Variants in CSMD3 observed in about 807,000 individuals in gnomAD.
CSMD3 encodes CUB and sushi domain-containing protein 3.
In CSMD3, 177 loss-of-function variants were observed where a neutral mutation model predicts 435.2. That is an observed-to-expected ratio of 0.41 (90% confidence interval 0.36 to 0.46). The LOEUF (loss-of-function observed/expected upper bound fraction) is 0.46. Ranked by LOEUF, CSMD3 falls within the 20% of genes least tolerant of loss-of-function variation. CSMD3 has a pLI of 0.34. For missense variants in CSMD3, 4,265 were observed against 4,504.6 expected (o/e 0.95, Z 1.52); for synonymous variants, 1,656 against 1,520.5 (o/e 1.09, Z -2.07).
chr8:112,828,764 C>A (rs2079774170), intron 12 of CSMD3, among the ~76,000 whole-genome samples: 1 of 152,122 alleles, frequency 6.6e-6, no homozygotes, highest in South Asian at 2.1e-4. Context: ...CAGAGATAGA[C>A]CACCAAATCA....
chr8:112,472,333 AT>A lies in CSMD3; in HGVS notation c.5395+257del, dbSNP rs532181787. 3.1e-3 allele frequency among the ~76,000 whole-genome samples: 466 copies of A among 152,244 alleles called. 7 individuals carry two copies. The highest frequency in any genetic ancestry group is 0.017 in the Middle Eastern group (5 of 294). ...TATGAAGGCACTTGCAAGGTTACTG[AT>A]ATACTCATTTTTAAAAATTAAAAAC... On this transcript the variant is annotated intron_variant, in intron 32 of 70. Transcript: ENST00000297405.
At chr8:113,137,642 A>G (rs1310947443) in intron 4 of CSMD3, among the ~76,000 whole-genome samples, 1 of 151,670 alleles carries the variant, frequency 6.6e-6, no homozygotes, top group Admixed American at 6.6e-5. Flanking sequence ...CAGGAGAAAC[A>G]TGTGTCTTCA....
At chr8:113,429,238 TTA>T (rs4027734) in intron 1 of CSMD3, among the ~76,000 whole-genome samples, 37,845 of 150,662 alleles carry the variant, frequency 0.25, 5,458 homozygotes, top group East Asian at 0.46. Flanking sequence ...AATAATTGTC[TTA>T]TATATATATA....
rs528469487 is a variant in CSMD3, at chr8:112,927,910, A to G, written c.1509-6159T>C. Among the ~76,000 whole-genome samples the G allele has an allele frequency of 2.6e-5, 4 of 152,210 alleles. No homozygotes were observed. The South Asian group carries it at 6.2e-4, about 24-fold the overall frequency. On this transcript the variant is annotated intron_variant, in intron 9 of 70. Coordinates refer to ENST00000297405, the MANE Select transcript of CSMD3 (RefSeq NM_198123.2). The stretch of plus-strand genomic sequence containing the variant: ...GTTACTGGGTATCTTGCTTTGTGGA[A>G]TGCTTAAGGTCACTCACTACCTCAT...
chr8:112,280,487 A>C (rs1056581057), intron 59 of CSMD3, among the ~76,000 whole-genome samples: 3 of 81,712 alleles, frequency 3.7e-5, no homozygotes, highest in Non-Finnish European at 8.1e-5. Flanking sequence ...TCCCAGGGTG[A>C]TCTCAAACTC....
intron 10 of CSMD3, among the ~76,000 whole-genome samples, chr8:112,895,791 A>G (rs938441954): frequency 1.3e-5 from 2 of 151,492 alleles, no homozygotes; most frequent in African/African-American, 4.8e-5. Flanking sequence ...ACTAATACTT[A>G]GAAGAGCGGT....
At chr8:112,323,389 G>T (rs542676463) in intron 45 of CSMD3, among the ~76,000 whole-genome samples, 1 of 152,146 alleles carries the variant, frequency 6.6e-6, no homozygotes, top group Admixed American at 6.6e-5. Flanking sequence ...GTACTGGGTT[G>T]AATAGTTTCA....
At chr8:112,843,730 G>T (rs2080243845) in intron 11 of CSMD3, among the ~76,000 whole-genome samples, 1 of 151,806 alleles carries the variant, frequency 6.6e-6, no homozygotes, top group Admixed American at 6.6e-5. Flanking sequence ...GAACTACAAG[G>T]AACTGAATTC....
At chr8:112,905,701 A>G (rs2082243384) in intron 10 of CSMD3, among the ~76,000 whole-genome samples, 1 of 151,418 alleles carries the variant, frequency 6.6e-6, no homozygotes. Context: ...ACTTGGTCCT[A>G]TCCCTTTGGG....
At chr8:113,074,586 T>G (rs982863848) in intron 5 of CSMD3, among the ~76,000 whole-genome samples, 5 of 151,920 alleles carry the variant, frequency 3.3e-5, no homozygotes, top group Non-Finnish European at 7.4e-5. Flanking sequence ...ATAATCTTAC[T>G]TGCTATAGTT....
In CSMD3 at chr8:112,284,859, T is replaced by G. The variant is rs537858440; in HGVS notation, c.9331+2205A>C. 4.6e-5 allele frequency among the ~76,000 whole-genome samples: 7 copies of G among 152,082 alleles called. 1 individual carries two copies. In the South Asian group the frequency reaches 1.2e-3, roughly 27 times the overall value. Reference sequence around the variant, plus strand: ...TCAAAATATAACAATAAAAATCATCTTGAAATATTTTAAAGTTCTAGTTTT... The same window carrying G: ...TCAAAATATAACAATAAAAATCATCGTGAAATATTTTAAAGTTCTAGTTTT... On this transcript the variant is annotated intron_variant, in intron 58 of 70. Coordinates refer to ENST00000297405, the MANE Select transcript of CSMD3 (RefSeq NM_198123.2).
intron 5 of CSMD3, among the ~76,000 whole-genome samples, chr8:113,086,064 C>T (rs1486147132): frequency 6.6e-6 from 1 of 151,890 alleles, no homozygotes; most frequent in Admixed American, 6.6e-5. Context: ...GGTGAAACCC[C>T]ATATCTACTA....
At chr8:113,274,904 TAAAG>T (rs1376539764) in intron 3 of CSMD3, among the ~76,000 whole-genome samples, 11 of 146,328 alleles carry the variant, frequency 7.5e-5, no homozygotes, top group East Asian at 4.0e-4. Flanking sequence ...GGCAGAGAAA[TAAAG>T]AGAGAGAGAG....
intron 32 of CSMD3, among the ~76,000 whole-genome samples, chr8:112,437,418 C>T (rs1042634544): frequency 1.6e-4 from 25 of 152,136 alleles, no homozygotes; most frequent in Non-Finnish European, 3.1e-4. Flanking sequence ...TTTCAGAAGA[C>T]GAAATTGCAG....
At chr8:112,824,446 C>T (rs181243797) in intron 12 of CSMD3, among the ~76,000 whole-genome samples, 109 of 152,198 alleles carry the variant, frequency 7.2e-4, no homozygotes, top group African/African-American at 2.5e-3. Flanking sequence ...TGGTACTTGT[C>T]TTTCCTTTCC....
intron 22 of CSMD3, among the ~76,000 whole-genome samples, chr8:112,608,220 A>G (rs1049971418): frequency 6.6e-6 from 1 of 152,146 alleles, no homozygotes; most frequent in African/African-American, 2.4e-5. Flanking sequence ...ATAAAAAAGA[A>G]TAAAATACTT....
chr8:113,422,908 G>A (rs1408454244), intron 1 of CSMD3, among the ~76,000 whole-genome samples: 1 of 151,836 alleles, frequency 6.6e-6, no homozygotes, highest in African/African-American at 2.4e-5. Flanking sequence ...TGCTTGGAAT[G>A]AGAAGTGTTT....
rs528561733 is a variant in CSMD3, at chr8:112,259,880, A to C, written c.9862+3759T>G. On this transcript the variant is annotated intron_variant, in intron 61 of 70. Transcript: ENST00000297405. ...CACTTCAGCTGAAGCAATTGTTTCT[A>C]TAACTAACTTATTGCCTAACCTACT... is the stretch of plus-strand genomic sequence containing the variant. Among the ~76,000 whole-genome samples the C allele has an allele frequency of 3.3e-4, 51 of 152,262 alleles. 2 individuals carry two copies. The South Asian group carries it at 0.01, about 31-fold the overall frequency.
intron 11 of CSMD3, among the ~76,000 whole-genome samples, chr8:112,833,807 T>G (rs1446593550): frequency 4.6e-5 from 7 of 151,952 alleles, no homozygotes; most frequent in Non-Finnish European, 8.8e-5. Context: ...TTTCTTATAT[T>G]TCAGTGAGAG....
Sources: gnomAD v4.1 joint callset for allele counts (sites outside exome capture counted in the v4.1 genomes callset) on GRCh38, gnomAD v4.1.1 for gene constraint, MANE v1.5 for transcripts, NCBI Gene and HGNC (gene_info 2026-07-23, HGNC 2026-07-21) for gene names.